The following CCSER1 variants were observed in gnomAD, a reference collection of about 807,000 sequenced individuals.
The protein encoded by CCSER1 is serine-rich coiled-coil domain-containing protein 1.
In CCSER1, 41 loss-of-function variants were observed where a neutral mutation model predicts 82.0. That is an observed-to-expected ratio of 0.50 (90% confidence interval 0.39 to 0.65). The LOEUF is 0.65. Among genes scored for constraint, CCSER1 ranks in the 30% least tolerant of loss-of-function variants. The pLI is 0.00. For synonymous variants in CCSER1, 414 were observed against 383.9 expected (o/e 1.08, Z -0.92); for missense variants, 1,119 against 1,064.2 (o/e 1.05, Z -0.72).
At chr4:91,526,707 C>T (rs527341776) in intron 10 of CCSER1, among the ~76,000 whole-genome samples, 2 of 152,136 alleles carry the variant, frequency 1.3e-5, no homozygotes, top group African/African-American at 2.4e-5. Flanking sequence ...TCGGTTCAAG[C>T]GATTCTCCTG....
At chr4:90,986,488 C>A (rs189489133) in intron 9 of CCSER1, among the ~76,000 whole-genome samples, 65 of 151,754 alleles carry the variant, frequency 4.3e-4, no homozygotes, top group East Asian at 3.5e-3. Context: ...ATATATGAAC[C>A]TGTATTTAAA....
At chr4:91,006,011 C>G (rs974232567) in intron 9 of CCSER1, among the ~76,000 whole-genome samples, 2 of 152,034 alleles carry the variant, frequency 1.3e-5, no homozygotes, top group African/African-American at 4.8e-5. Context: ...AGCATGATAC[C>G]TCTAACATTT....
chr4:91,422,279 C>A (rs961623480), intron 10 of CCSER1, among the ~76,000 whole-genome samples: 4 of 152,116 alleles, frequency 2.6e-5, no homozygotes, highest in African/African-American at 9.7e-5. Flanking sequence ...TTGCTCCTCC[C>A]TTTGCCTTTA....
chr4:91,252,321 T>TG (rs1214841254), intron 10 of CCSER1, among the ~76,000 whole-genome samples: 2 of 152,140 alleles, frequency 1.3e-5, no homozygotes, highest in Non-Finnish European at 2.9e-5. Context: ...ACTTACTCTG[T>TG]GAGAAATACT....
intron 10 of CCSER1, among the ~76,000 whole-genome samples, chr4:91,559,885 C>A (rs1040617195): frequency 6.6e-5 from 10 of 150,706 alleles, no homozygotes; most frequent in Non-Finnish European, 1.2e-4. Context: ...ATGTTTTGGC[C>A]AGTGGGTGTC....
rs150068574 is a variant in CCSER1, at chr4:90,327,642, T to G, written c.1509+14595T>G. Among the ~76,000 whole-genome samples the G allele has an allele frequency of 2.3e-3, 356 of 152,320 alleles. 2 individuals carry two copies. The South Asian group carries it at 0.025, about 11-fold the overall frequency. ...ACTTTAGCCATTATAATACAGGTTC[T>G]CAACATCAGCATTATTGAGATTTTG... On this transcript the variant is annotated intron_variant, in intron 3 of 10. Coordinates refer to ENST00000509176, the MANE Select transcript of CCSER1 (RefSeq NM_001145065.2).
At chr4:91,231,964 G>A (rs1738662404) in intron 10 of CCSER1, among the ~76,000 whole-genome samples, 1 of 151,754 alleles carries the variant, frequency 6.6e-6, no homozygotes, top group Non-Finnish European at 1.5e-5. Context: ...AAACATTTGG[G>A]ACTTTACAAA....
intron 10 of CCSER1, among the ~76,000 whole-genome samples, chr4:91,153,612 TG>T (rs1353095677): frequency 6.6e-6 from 1 of 151,992 alleles, no homozygotes; most frequent in African/African-American, 2.4e-5. Context: ...TCAGCTTTTT[TG>T]CTCTGGTTTC....
At chr4:90,368,543 G>A (rs1746710906) in intron 3 of CCSER1, among the ~76,000 whole-genome samples, 1 of 151,824 alleles carries the variant, frequency 6.6e-6, no homozygotes, top group African/African-American at 2.4e-5. Flanking sequence ...TGACGCAGGA[G>A]GATCACTTGA....
chr4:91,234,108 C>CA (rs1471368408), intron 10 of CCSER1, among the ~76,000 whole-genome samples: 1 of 151,828 alleles, frequency 6.6e-6, no homozygotes, highest in Non-Finnish European at 1.5e-5. Context: ...AAAATCTAAA[C>CA]AAAAATGGAA....
intron 10 of CCSER1, among the ~76,000 whole-genome samples, chr4:91,097,480 C>A (rs1218991329): frequency 6.6e-6 from 1 of 152,076 alleles, no homozygotes; most frequent in African/African-American, 2.4e-5. Context: ...TAATGTTGAT[C>A]TTATTAATCT....
intron 9 of CCSER1, among the ~76,000 whole-genome samples, chr4:91,030,763 C>A (rs139658122): frequency 2.5e-4 from 38 of 151,774 alleles, no homozygotes; most frequent in Non-Finnish European, 4.7e-4. Context: ...CCAAATGGAG[C>A]AAATTAATTC....
intron 10 of CCSER1, among the ~76,000 whole-genome samples, chr4:91,268,854 A>G (rs1255936424): frequency 6.6e-6 from 1 of 152,214 alleles, no homozygotes; most frequent in Non-Finnish European, 1.5e-5. Flanking sequence ...GTGGAATGTC[A>G]TCAGTTAAGG....
intron 9 of CCSER1, among the ~76,000 whole-genome samples, chr4:90,968,139 AGAAAAAAG>A (rs1368381496): frequency 2.6e-5 from 4 of 152,170 alleles, no homozygotes; most frequent in Admixed American, 6.5e-5. Flanking sequence ...ATTTAAGAGT[AGAAAAAAG>A]AAAGATAGGC....
chr4:90,455,761 C>T (rs973290760), intron 4 of CCSER1, among the ~76,000 whole-genome samples: 10 of 152,126 alleles, frequency 6.6e-5, no homozygotes, highest in Non-Finnish European at 1.2e-4. Context: ...TTTTGGTAAC[C>T]TTTAAATTCC....
At chr4:91,106,146 A>G (rs185695312) in intron 10 of CCSER1, among the ~76,000 whole-genome samples, 15 of 152,342 alleles carry the variant, frequency 9.8e-5, no homozygotes, top group African/African-American at 3.1e-4. Flanking sequence ...CGCCATAAAA[A>G]ATGAGTTAGC....
intron 9 of CCSER1, among the ~76,000 whole-genome samples, chr4:90,927,239 C>A (rs1163398675): frequency 6.6e-6 from 1 of 151,894 alleles, no homozygotes; most frequent in Non-Finnish European, 1.5e-5. Context: ...ACAGAATAGT[C>A]AGAGGATTTA....
At chr4:91,546,395 T>C (rs1026798735) in intron 10 of CCSER1, among the ~76,000 whole-genome samples, 5 of 152,106 alleles carry the variant, frequency 3.3e-5, no homozygotes, top group Non-Finnish European at 7.4e-5. Flanking sequence ...ATGTCTTTTT[T>C]TGGAATTTTA....
rs17017049 is a variant in CCSER1 at position 90,472,198 on chromosome 4, C to G, written c.1724+3844C>G. 9.8e-3 allele frequency among the ~76,000 whole-genome samples: 1,491 copies of G among 152,072 alleles called. 24 individuals carry two copies. Among genetic ancestry groups the G allele is most frequent in the African/African-American group, 0.034 (1,415 of 41,458 alleles). On this transcript the variant is annotated intron_variant, in intron 5 of 10. Transcript: ENST00000509176. ...TCATAGAGTCATCTGATTCAGAACC[C>G]AGTAAATTCATTGCTAAGAATAACT...
Sources: allele counts gnomAD v4.1 joint callset (sites outside exome capture counted in the v4.1 genomes callset), GRCh38; gene constraint gnomAD v4.1.1; transcripts MANE v1.5; gene names NCBI Gene and HGNC (gene_info 2026-07-23, HGNC 2026-07-21).